The following TRPM2 variants were observed in gnomAD, a reference collection of about 807,000 sequenced individuals.
TRPM2 encodes estrogen-responsive element-associated gene 1 protein.
Under a neutral mutation model 174.0 loss-of-function variants are expected in TRPM2, and 161 were observed. The ratio of observed to expected loss-of-function variants is 0.93; its 90% CI spans 0.81 to 1.05. The LOEUF (loss-of-function observed/expected upper bound fraction) is 1.05, where lower values mean the gene tolerates loss of function less well. TRPM2 is among the 50% of genes least tolerant of loss of function. The pLI is 0.00. For synonymous variants in TRPM2, 954 were observed against 861.3 expected, an observed-to-expected ratio of 1.11 and a Z score of -1.88; for missense variants, 2,057 against 2,038.0, an observed-to-expected ratio of 1.01 and a Z score of -0.18.
chr21:44,419,649 G>T (rs1404388095), intron 22 of TRPM2, among the ~76,000 whole-genome samples: 2 of 68,976 alleles, frequency 2.9e-5, no homozygotes, highest in Non-Finnish European at 6.3e-5. Flanking sequence ...TGGTGTTGGT[G>T]ATGGTGGTAG....
At chr21:44,415,413 T>C (rs749777550) in intron 20 of TRPM2, 1 of 152,236 alleles carries the variant, frequency 6.6e-6, no homozygotes, top group Non-Finnish European at 1.5e-5. Flanking sequence ...AGAAGGAATG[T>C]GACGGTGGCA....
intron 15 of TRPM2, 31 bp from the exon 16 acceptor site, chr21:44,401,650 C>A: frequency 6.2e-7 from 1 of 1,607,480 alleles, no homozygotes; most frequent in South Asian, 1.1e-5. Flanking sequence ...CCCTGGTGGT[C>A]ACTGTCTCCT....
In TRPM2 at chr21:44,406,225, G is replaced by A. The variant is rs145601991; in HGVS notation, c.2790+188G>A. 4.4e-3 allele frequency among the ~76,000 whole-genome samples: 676 copies of A among 152,166 alleles called. 7 individuals carry two copies. The highest frequency in any genetic ancestry group is 0.014 in the African/African-American group (591 of 41,524). On this transcript the variant is annotated intron_variant, in intron 18 of 31. Transcript: ENST00000397928. ...TTTGCCTGTACGTCACCTCTTCCAGGAAGCCTTCCCTCATTCTCCCCTCTG... is the reference window on the plus strand; with the variant it reads ...TTTGCCTGTACGTCACCTCTTCCAGAAAGCCTTCCCTCATTCTCCCCTCTG...
Position 44,424,856 on chromosome 21 carries a change from C to T in TRPM2, c.3554C>T (p.Ala1185Val). 6.3e-7 allele frequency: 1 copy of T among 1,596,134 alleles called. No homozygotes were observed. The highest frequency in any genetic ancestry group is 8.5e-7 in the Non-Finnish European group (1 of 1,171,932). The change falls in exon 24 of 32, where the codon GCC (alanine) becomes GTC (valine). Residue 1185 changes from alanine to valine, a missense_variant. Ala to Val is a moderately conservative substitution (Grantham distance 64). Coordinates refer to ENST00000397928, the MANE Select transcript of TRPM2 (RefSeq NM_003307.4). ...GTCTCGGGCCATGCCTTCCAGGTGGCCCAGACAGCCCAAGCCCTGCACTGG... is the reference window on the plus strand; with the variant it reads ...GTCTCGGGCCATGCCTTCCAGGTGGTCCAGACAGCCCAAGCCCTGCACTGG... Reference protein sequence around the residue: ...QRLASLEEQVAQTAQALHWIV... With the variant: ...QRLASLEEQVVQTAQALHWIV...
At chr21:44,370,245 C>CCCGAA (rs986285915) in intron 5 of TRPM2, among the ~76,000 whole-genome samples, 4 of 152,094 alleles carry the variant, frequency 2.6e-5, no homozygotes, top group Non-Finnish European at 5.9e-5. Flanking sequence ...GCGATCCGAC[C>CCCGAA]CCGAACCGGA....
At position 44,376,145 on chromosome 21, in the gene TRPM2, G is replaced by A; in HGVS notation, c.952+132G>A. On this transcript the variant is annotated intron_variant, in intron 6 of 31. Transcript: ENST00000397928. The surrounding 1 kb of genome is among the most constrained non-coding windows in gnomAD (Gnocchi z 4.2). ...GGCAGAGAGTGCAGTGGGCTGGTCAGAGTGTCAGGTACAGCTGGTCACAGG... is the reference window on the plus strand; with the variant it reads ...GGCAGAGAGTGCAGTGGGCTGGTCAAAGTGTCAGGTACAGCTGGTCACAGG... 2 of 1,100,104 alleles carry A rather than the reference G, an allele frequency of 1.8e-6. No individual in the cohort carries two copies. Among genetic ancestry groups the A allele is most frequent in the East Asian group, 2.6e-5 (1 of 38,350 alleles). 68.1% of individuals were successfully genotyped at this position (1,100,104 alleles called of 1,614,324 possible).
At chr21:44,415,714 C>T (rs768299215) in intron 20 of TRPM2, 1 of 152,140 alleles carries the variant, frequency 6.6e-6, no homozygotes, top group Non-Finnish European at 1.5e-5. Flanking sequence ...GTCTTGAAGT[C>T]TTATCATAGA....
rs768178197 is a variant in TRPM2 at position 44,391,499 on chromosome 21, G to T, written c.1668G>T (p.Leu556=). 23 of 1,610,792 alleles carry T rather than the reference G, an allele frequency of 1.4e-5. No homozygotes were observed. In the South Asian group the frequency reaches 2.5e-4, roughly 18 times the overall value. Residue 556 remains leucine, a synonymous_variant, in exon 11 of 32, where the codon CTG becomes CTT. Coordinates refer to ENST00000397928, the MANE Select transcript of TRPM2 (RefSeq NM_003307.4). The surrounding 1 kb of genome is among the most constrained non-coding windows in gnomAD (Gnocchi z 5.0). ...CTTGCGCGCCCGCGGCGCCCCGCCTGCAGATGCACCACGTGGCCCAGGTGC... is the reference window on the plus strand; with the variant it reads ...CTTGCGCGCCCGCGGCGCCCCGCCTTCAGATGCACCACGTGGCCCAGGTGC... ...RPACAPAAPR[L]QMHHVAQVLR... is the part of the protein sequence containing the mutation.
intron 3 of TRPM2, 29 bp downstream of exon 3, chr21:44,364,311 T>A: frequency 1.2e-6 from 2 of 1,610,516 alleles, no homozygotes; most frequent in Non-Finnish European, 1.7e-6. Context: ...CGCTCTGAAC[T>A]GTAGGTGGAG....
rs768376896 is a variant in TRPM2, at chr21:44,427,663, G to A, written c.3974+552G>A. ...GGAGGAGGTGGAGGAGGGGCCACCA[G>A]AACCTGGGACTGGGGGGTTGCCGGG... is the stretch of plus-strand genomic sequence containing the variant. On this transcript the variant is annotated intron_variant, in intron 27 of 31. Coordinates refer to ENST00000397928, the MANE Select transcript of TRPM2 (RefSeq NM_003307.4). Among the ~76,000 whole-genome samples, 74 of 152,288 alleles carry A rather than the reference G, an allele frequency of 4.9e-4. 1 individual carries two copies. The highest frequency in any genetic ancestry group is 9.7e-4 in the Non-Finnish European group (66 of 68,022).
intron 8 of TRPM2, among the ~76,000 whole-genome samples, chr21:44,381,979 TA>T (rs2048893479): frequency 1.3e-5 from 2 of 149,752 alleles, no homozygotes; most frequent in African/African-American, 4.9e-5. Context: ...GATAGATAGA[TA>T]GATAGATAGA....
At chr21:44,429,596 T>C (rs1470211272) in intron 27 of TRPM2, among the ~76,000 whole-genome samples, 2 of 152,170 alleles carry the variant, frequency 1.3e-5, no homozygotes, top group African/African-American at 4.8e-5. Context: ...GTATAACATT[T>C]TTTTATATTT....
At chr21:44,423,802 G>C in intron 23 of TRPM2, 70 bp downstream of exon 23, 1 of 1,300,816 alleles carries the variant, frequency 7.7e-7, no homozygotes, top group Non-Finnish European at 1.1e-6. Flanking sequence ...CTGCCATGTG[G>C]TGGCACCAAG....
chr21:44,442,137 T>G lies in TRPM2; in HGVS notation c.*320T>G, dbSNP rs1432009291. 3.7e-6 allele frequency: 1 copy of G among 267,490 alleles called. No homozygotes were observed. Among genetic ancestry groups the G allele is most frequent in the Non-Finnish European group, 7.0e-6 (1 of 143,552 alleles). 16.6% of individuals were successfully genotyped at this position (267,490 alleles called of 1,614,324 possible). On this transcript the variant is annotated 3_prime_UTR_variant, in exon 32 of 32. Coordinates refer to ENST00000397928, the MANE Select transcript of TRPM2 (RefSeq NM_003307.4). ...CCTTGGCCAGAGTCCACTCCCTTCC[T>G]GGCTGTGTCACCCCGAGCAGCTCAT...
At chr21:44,361,869 C>T (rs1305622273) in intron 2 of TRPM2, among the ~76,000 whole-genome samples, 3 of 152,080 alleles carry the variant, frequency 2.0e-5, no homozygotes, top group Non-Finnish European at 2.9e-5. Context: ...CCACCATGCC[C>T]GGTTAATTTT....
rs1254092403 is a variant in TRPM2, at chr21:44,432,843, G to A, written c.3975-2288G>A. 6.6e-6 allele frequency among the ~76,000 whole-genome samples: 1 copy of A among 152,220 alleles called. No homozygotes were observed. The highest frequency in any genetic ancestry group is 1.5e-5 in the Non-Finnish European group (1 of 68,034). ...ATGAGTGAATGAACGTGTGATTGCT[G>A]TAGCCAGACTGTCGCTGTTTTTGCG... On this transcript the variant is annotated intron_variant, in intron 27 of 31. Coordinates refer to ENST00000397928, the MANE Select transcript of TRPM2 (RefSeq NM_003307.4). The surrounding 1 kb of genome is among the most constrained non-coding windows in gnomAD (Gnocchi z 4.9).
At chr21:44,369,105 C>G in intron 4 of TRPM2, 72 bp from the exon 5 acceptor site, 2 of 1,412,778 alleles carry the variant, frequency 1.4e-6, no homozygotes, top group Non-Finnish European at 1.9e-6. Flanking sequence ...TAGAAGGGCT[C>G]AGGCGTCAGG....
chr21:44,361,077 T>G (rs955063137), intron 2 of TRPM2, among the ~76,000 whole-genome samples: 1 of 152,234 alleles, frequency 6.6e-6, no homozygotes, highest in South Asian at 2.1e-4. Flanking sequence ...ATACGCTACA[T>G]GACCCGTGTC....
At chr21:44,402,025 C>T (rs564740685) in intron 16 of TRPM2, 128 bp downstream of exon 16, 23 of 1,089,592 alleles carry the variant, frequency 2.1e-5, no homozygotes, top group South Asian at 8.3e-5. Flanking sequence ...TGAGCAGAGC[C>T]GGTGTTTCCT....
Sources: gnomAD v4.1 joint callset for allele counts (sites outside exome capture counted in the v4.1 genomes callset) on GRCh38, gnomAD v4.1.1 for gene constraint, Gnocchi (gnomAD v3.1) non-coding constraint, MANE v1.5 for transcripts, NCBI Gene and HGNC (gene_info 2026-07-23, HGNC 2026-07-21) for gene names.